The following HECW2 variants were observed in gnomAD, a reference collection of about 807,000 sequenced individuals.
The protein encoded by HECW2 is E3 ubiquitin-protein ligase HECW2.
In HECW2, 61 loss-of-function variants were observed where a neutral mutation model predicts 175.2. That is an observed-to-expected ratio of 0.35 (90% CI 0.28 to 0.43). The LOEUF (loss-of-function observed/expected upper bound fraction) is 0.43, where lower values mean the gene tolerates loss of function less well. Among genes scored for constraint, HECW2 ranks in the 20% least tolerant of loss-of-function variants. The probability of loss-of-function intolerance (pLI) is 1.00; values close to 1 mark genes in which losing one functional copy is unlikely to be tolerated. For missense variants in HECW2, 1,524 were observed against 2,000.5 expected (o/e 0.76, Z 4.54); for synonymous variants, 671 against 731.0 (o/e 0.92, Z 1.32).
chr2:196,208,855 G>C (rs111735718), intron 28 of HECW2, among the ~76,000 whole-genome samples: 10 of 152,306 alleles, frequency 6.6e-5, no homozygotes, highest in African/African-American at 1.9e-4. Flanking sequence ...AAGGAGTCTG[G>C]ATTTTATTCT....
intron 17 of HECW2, among the ~76,000 whole-genome samples, chr2:196,267,651 G>A (rs1449916122): frequency 1.3e-5 from 2 of 152,142 alleles, no homozygotes; most frequent in Admixed American, 6.5e-5. Context: ...ACAATGCATG[G>A]AAAACCATAG....
Position 196,307,998 on chromosome 2 carries a change from G to A in HECW2, c.2522C>T (p.Pro841Leu). 6.2e-7 allele frequency: 1 copy of A among 1,605,718 alleles called. No individual in the cohort carries two copies. The highest frequency in any genetic ancestry group is 1.1e-5 in the South Asian group (1 of 90,174). Residue 841 changes from proline to leucine, a missense_variant, in exon 11 of 29, where the codon CCC (proline) becomes CTC (leucine). Around this residue, in one of 11 missense-constraint regions of HECW2, gnomAD observed 82 missense variants for 124.4 expected, o/e 0.66. Transcript: ENST00000644978. ...RTTTWQRPTA[P>L]PAPQVLQRSN... ...TCTCTGCAGCACCTGCGGGGCTGGG[G>A]GAGCTGTCGGTCGCTGCCACGTCGT...
chr2:196,460,907 G>A (rs1696719668), intron 1 of HECW2, among the ~76,000 whole-genome samples: 2 of 150,050 alleles, frequency 1.3e-5, no homozygotes, highest in African/African-American at 2.4e-5. Context: ...TTACAGGTGT[G>A]AGCCACCATC....
chr2:196,574,786 T>G (rs1321436778), intron 1 of HECW2, among the ~76,000 whole-genome samples: 1 of 152,022 alleles, frequency 6.6e-6, no homozygotes, highest in Non-Finnish European at 1.5e-5. Flanking sequence ...TATTACCAAG[T>G]TACATTAATC....
At chr2:196,550,644 A>G (rs1689576831) in intron 1 of HECW2, among the ~76,000 whole-genome samples, 1 of 152,236 alleles carries the variant, frequency 6.6e-6, no homozygotes. Flanking sequence ...AACAAAAATG[A>G]GAACATGTTA....
chr2:196,549,741 T>C (rs1689548000), intron 1 of HECW2, among the ~76,000 whole-genome samples: 1 of 152,216 alleles, frequency 6.6e-6, no homozygotes. Flanking sequence ...AGACAGATTA[T>C]AATACAAGCA....
intron 2 of HECW2, among the ~76,000 whole-genome samples, chr2:196,431,525 T>G (rs1695712418): frequency 6.6e-6 from 1 of 152,218 alleles, no homozygotes; most frequent in Admixed American, 6.5e-5. Flanking sequence ...AGTCTCATAT[T>G]AAGTCTTCTA....
chr2:196,361,776 G>A, intron 2 of HECW2: 1 of 981,290 alleles, frequency 1.0e-6, no homozygotes, highest in Non-Finnish European at 1.2e-6. Context: ...TCAAGTGACA[G>A]TGGAATTCAT....
chr2:196,347,674 G>C (rs1693008065), intron 2 of HECW2, among the ~76,000 whole-genome samples: 2 of 152,174 alleles, frequency 1.3e-5, no homozygotes, highest in African/African-American at 4.8e-5. Flanking sequence ...AAGCTGGATG[G>C]GCCTGTTTTG....
chr2:196,421,589 G>A (rs1695408946), intron 2 of HECW2, among the ~76,000 whole-genome samples: 1 of 152,110 alleles, frequency 6.6e-6, no homozygotes. Context: ...TTATTTTGTG[G>A]GTTAGTAATG....
At chr2:196,530,816 A>G (rs1239118660) in intron 1 of HECW2, among the ~76,000 whole-genome samples, 2 of 152,170 alleles carry the variant, frequency 1.3e-5, no homozygotes, top group African/African-American at 2.4e-5. Flanking sequence ...ATAAACTTCT[A>G]TCTTGTTTGA....
intron 1 of HECW2, among the ~76,000 whole-genome samples, chr2:196,525,179 T>G (rs1307760543): frequency 6.7e-6 from 1 of 148,434 alleles, no homozygotes; most frequent in East Asian, 2.0e-4. Flanking sequence ...GGTGCATATA[T>G]ATTTAGGATA....
intron 2 of HECW2, among the ~76,000 whole-genome samples, chr2:196,369,463 A>G (rs187194331): frequency 6.6e-6 from 1 of 151,944 alleles, no homozygotes; most frequent in Admixed American, 6.6e-5. Flanking sequence ...ACTGGGTCAG[A>G]CCTGAAGCCA....
intron 13 of HECW2, among the ~76,000 whole-genome samples, chr2:196,301,643 T>A (rs1006244917): frequency 1.3e-5 from 2 of 152,226 alleles, no homozygotes; most frequent in Non-Finnish European, 2.9e-5. Flanking sequence ...GTTGAGCTTT[T>A]TTTCATGTGT....
chr2:196,360,473 C>T (rs1213234067), intron 2 of HECW2, among the ~76,000 whole-genome samples: 2 of 152,096 alleles, frequency 1.3e-5, no homozygotes, highest in South Asian at 2.1e-4. Context: ...CATGTTCTCA[C>T]TTGTAAGTGG....
chr2:196,262,213 G>C (rs1689323149), intron 17 of HECW2, among the ~76,000 whole-genome samples: 1 of 152,132 alleles, frequency 6.6e-6, no homozygotes, highest in Admixed American at 6.5e-5. Flanking sequence ...TTTTTGTAGA[G>C]ACAGGGTCTT....
At chr2:196,511,815 G>C (rs186959882) in intron 1 of HECW2, among the ~76,000 whole-genome samples, 1 of 152,224 alleles carries the variant, frequency 6.6e-6, no homozygotes, top group East Asian at 1.9e-4. Flanking sequence ...GACCAGAAGG[G>C]GAGTAAGGGC....
intron 1 of HECW2, among the ~76,000 whole-genome samples, chr2:196,482,933 GAC>G (rs1377650786): frequency 1.3e-5 from 2 of 152,074 alleles, no homozygotes; most frequent in Non-Finnish European, 2.9e-5. Flanking sequence ...CCTTGGGTGT[GAC>G]ACAACTCTAA....
At chr2:196,553,718 G>A (rs1018067667) in intron 1 of HECW2, among the ~76,000 whole-genome samples, 1 of 152,224 alleles carries the variant, frequency 6.6e-6, no homozygotes, top group African/African-American at 2.4e-5. Context: ...CTTCAGGCCA[G>A]TGGCTCACTA....
Sources: allele counts gnomAD v4.1 joint callset (sites outside exome capture counted in the v4.1 genomes callset), GRCh38; gene constraint gnomAD v4.1.1; regional missense constraint gnomAD v4.1.1; transcripts MANE v1.5; gene names NCBI Gene and HGNC (gene_info 2026-07-23, HGNC 2026-07-21).